PPP2R2C: variants seen among roughly 807,000 people sequenced by gnomAD.
PPP2R2C encodes protein phosphatase 2, regulatory subunit B, gamma.
Under a neutral mutation model 45.3 loss-of-function variants are expected in PPP2R2C, and 10 were observed. That is an observed-to-expected ratio of 0.22 (90% confidence interval 0.14 to 0.37). PPP2R2C has a LOEUF of 0.37. Among genes scored for constraint, PPP2R2C ranks in the 10% least tolerant of loss-of-function variants. PPP2R2C has a pLI of 1.00. For synonymous variants in PPP2R2C, 257 were observed against 245.4 expected, an observed-to-expected ratio of 1.05 and a Z score of -0.44; for missense variants, 308 against 619.7, an observed-to-expected ratio of 0.50 and a Z score of 5.34.
chr4:6,517,908 G>C (rs1475607820), intron 2 of PPP2R2C, among the ~76,000 whole-genome samples: 1 of 152,184 alleles, frequency 6.6e-6, no homozygotes, highest in African/African-American at 2.4e-5. Flanking sequence ...CTGAGGCTCA[G>C]CTAATGACTT....
chr4:6,513,384 T>C (rs1723731894), intron 2 of PPP2R2C, among the ~76,000 whole-genome samples: 1 of 152,116 alleles, frequency 6.6e-6, no homozygotes, highest in Non-Finnish European at 1.5e-5. Context: ...GAAGCCATGG[T>C]CTCTGGGCAG....
chr4:6,349,672 C>T, intron 5 of PPP2R2C: 1 of 829,486 alleles, frequency 1.2e-6, no homozygotes, highest in Non-Finnish European at 1.5e-6. Context: ...AACCCCGTCT[C>T]TACTAAAATA....
At chr4:6,444,825 C>T (rs138966823) in intron 1 of PPP2R2C, among the ~76,000 whole-genome samples, 46 of 152,332 alleles carry the variant, frequency 3.0e-4, no homozygotes, top group African/African-American at 1.1e-3. Context: ...GTCCACTGGA[C>T]ACACAAGCAG....
At chr4:6,435,128 T>C (rs982570964) in intron 1 of PPP2R2C, among the ~76,000 whole-genome samples, 1 of 152,222 alleles carries the variant, frequency 6.6e-6, no homozygotes, top group African/African-American at 2.4e-5. Flanking sequence ...GGGACACCAA[T>C]TATGTGTATG....
At chr4:6,507,375 G>A (rs1234796358) in intron 2 of PPP2R2C, among the ~76,000 whole-genome samples, 14 of 152,216 alleles carry the variant, frequency 9.2e-5, no homozygotes, top group Admixed American at 3.3e-4. Context: ...CTGCAGCAAC[G>A]TCGCAGGAAA....
At chr4:6,362,202 G>A (rs1713821412) in intron 5 of PPP2R2C, among the ~76,000 whole-genome samples, 1 of 152,090 alleles carries the variant, frequency 6.6e-6, no homozygotes, top group Non-Finnish European at 1.5e-5. Context: ...AAGGAGAGGA[G>A]TTCTAAGAGG....
intron 2 of PPP2R2C, among the ~76,000 whole-genome samples, chr4:6,502,656 G>GTCAA (rs1278630078): frequency 6.6e-6 from 1 of 152,102 alleles, no homozygotes; most frequent in Non-Finnish European, 1.5e-5. Flanking sequence ...AAGACAATTA[G>GTCAA]TCAATCAATC....
rs936492068 is a variant in PPP2R2C at position 6,364,283 on chromosome 4, G to A, written c.625+8240C>T. ...CCAGTGCAAAATGGCTCTGCTGCAG[G>A]AGATGGCTGGAAATATGGTGAAGAG... On this transcript the variant is annotated intron_variant, in intron 5 of 8. Coordinates refer to ENST00000382599, the MANE Select transcript of PPP2R2C (RefSeq NM_020416.4). This position sits in a 1 kb window ranked among gnomAD's most constrained non-coding sequence, Gnocchi z 5.3. Among the ~76,000 whole-genome samples the A allele has an allele frequency of 9.2e-5, 14 of 152,200 alleles. No individual in the cohort carries two copies. The highest frequency in any genetic ancestry group is 1.6e-4 in the Non-Finnish European group (11 of 68,030).
rs1204048377 is a variant in PPP2R2C, at chr4:6,472,385, C to A, written c.-156G>T. 3.9e-6 allele frequency: 2 copies of A among 508,602 alleles called. No homozygotes were observed. Among genetic ancestry groups the A allele is most frequent in the Non-Finnish European group, 5.0e-6 (2 of 400,704 alleles). The allele number at this position is 508,602 out of a possible 1,614,324, so 31.5% of individuals were successfully genotyped here. ...GAGGGCATCGCGGCAGGGGGACGGG[C>A]GGGGGCGGCCGGGGGCGGGCGCCGC... On this transcript the variant is annotated 5_prime_UTR_variant, in exon 1 of 9. Coordinates refer to ENST00000382599, the MANE Select transcript of PPP2R2C (RefSeq NM_020416.4).
At chr4:6,338,891 T>G (rs1733214503) in intron 6 of PPP2R2C, among the ~76,000 whole-genome samples, 1 of 152,202 alleles carries the variant, frequency 6.6e-6, no homozygotes, top group Admixed American at 6.5e-5. Flanking sequence ...CCTGGTCCTC[T>G]CTGAGCCCAG....
intron 1 of PPP2R2C, among the ~76,000 whole-genome samples, chr4:6,397,673 G>T (rs763437609): frequency 2.6e-5 from 4 of 152,182 alleles, no homozygotes; most frequent in Non-Finnish European, 5.9e-5. Flanking sequence ...CCTACCAGGG[G>T]CAAGGCTCAC....
In PPP2R2C at chr4:6,472,554, G is replaced by T. The variant is rs1371213866; in HGVS notation, c.-325C>A. 2 of 146,844 alleles carry T rather than the reference G, an allele frequency of 1.4e-5. No individual in the cohort carries two copies. The highest frequency in any genetic ancestry group is 4.9e-5 in the African/African-American group (2 of 40,814). The allele number at this position is 146,844 out of a possible 1,614,324, so 9.1% of individuals were successfully genotyped here. A position where few individuals can be genotyped will look rare whatever the true frequency, so the allele number is the denominator to read the frequency against. ...TGCCGGTGCGCCTGGCTGCGGCGAC[G>T]GCGGCGAGGGGACGCGCGCGGCGCT... On this transcript the variant is annotated 5_prime_UTR_variant, in exon 1 of 9. Coordinates refer to ENST00000382599, the MANE Select transcript of PPP2R2C (RefSeq NM_020416.4).
intron 1 of PPP2R2C, among the ~76,000 whole-genome samples, chr4:6,539,188 C>G (rs908763189): frequency 6.6e-6 from 1 of 151,586 alleles, no homozygotes; most frequent in African/African-American, 2.4e-5. Flanking sequence ...CAGACACACA[C>G]ACATAGGGAG....
intron 2 of PPP2R2C, among the ~76,000 whole-genome samples, chr4:6,530,111 G>A (rs541682149): frequency 6.6e-6 from 1 of 152,214 alleles, no homozygotes; most frequent in South Asian, 2.1e-4. Flanking sequence ...CAAGAGTAAC[G>A]ATTCTCGAGG....
chr4:6,341,354 A>C (rs952302645), intron 6 of PPP2R2C, among the ~76,000 whole-genome samples: 1 of 151,768 alleles, frequency 6.6e-6, no homozygotes, highest in Non-Finnish European at 1.5e-5. Flanking sequence ...AAAAAAAAAA[A>C]AAAACCCAGC....
At chr4:6,538,401 G>A (rs1285055998) in intron 1 of PPP2R2C, among the ~76,000 whole-genome samples, 1 of 152,130 alleles carries the variant, frequency 6.6e-6, no homozygotes, top group Admixed American at 6.5e-5. Context: ...ATTGAGCCAA[G>A]TTCATCGTCC....
At position 6,321,819 on chromosome 4, in the gene PPP2R2C, A is replaced by G. The variant is rs1731567837; in HGVS notation, c.*1483T>C. 6.6e-6 allele frequency: 1 copy of G among 152,194 alleles called. No individual in the cohort carries two copies. The highest frequency in any genetic ancestry group is 2.4e-5 in the African/African-American group (1 of 41,440). 9.4% of individuals were successfully genotyped at this position (152,194 alleles called of 1,614,324 possible). On this transcript the variant is annotated 3_prime_UTR_variant, in exon 9 of 9. Transcript: ENST00000382599. ...ACCAGAACAGGAGCATCTACCATGG[A>G]AACACCACCTTCTCTGTGGCCCTCA...
chr4:6,350,121 G>A, intron 5 of PPP2R2C: 1 of 985,432 alleles, frequency 1.0e-6, no homozygotes, highest in Non-Finnish European at 1.2e-6. Flanking sequence ...TGGTTTCCCA[G>A]GAAACTACAG....
chr4:6,384,472 A>T, intron 1 of PPP2R2C: 1 of 982,102 alleles, frequency 1.0e-6, no homozygotes. Context: ...ATTTTCTATA[A>T]TGAAGTTACA....
Sources: gnomAD v4.1 joint callset for allele counts (sites outside exome capture counted in the v4.1 genomes callset) on GRCh38, gnomAD v4.1.1 for gene constraint, Gnocchi (gnomAD v3.1) non-coding constraint, MANE v1.5 for transcripts, NCBI Gene and HGNC (gene_info 2026-07-23, HGNC 2026-07-21) for gene names.